The following INPP4B variants were observed in gnomAD, a reference collection of about 807,000 sequenced individuals.
INPP4B encodes inositol polyphosphate-4-phosphatase type II B.
In INPP4B, 55 loss-of-function variants were observed where a neutral mutation model predicts 122.5. The observed-to-expected ratio is 0.45, with a 90% CI of 0.36 to 0.56. The LOEUF (loss-of-function observed/expected upper bound fraction) is 0.56. INPP4B is among the 20% of genes least tolerant of loss of function. INPP4B has a pLI of 0.00. For missense variants in INPP4B, 1,000 were observed against 1,097.7 expected (o/e 0.91, Z 1.26); for synonymous variants, 403 against 388.7 (o/e 1.04, Z -0.43).
At chr4:142,047,392 G>A (rs1187981084) in intron 25 of INPP4B, among the ~76,000 whole-genome samples, 1 of 151,994 alleles carries the variant, frequency 6.6e-6, no homozygotes, top group Non-Finnish European at 1.5e-5. Context: ...CTTGGAAAAA[G>A]GGTATTTTTT....
intron 22 of INPP4B, among the ~76,000 whole-genome samples, chr4:142,108,748 T>C (rs913908739): frequency 2.0e-5 from 3 of 152,176 alleles, no homozygotes; most frequent in African/African-American, 7.2e-5. Context: ...AATGGTTCTG[T>C]ACACGTAGTC....
chr4:142,254,264 C>G (rs190660315), intron 11 of INPP4B, among the ~76,000 whole-genome samples: 13 of 151,104 alleles, frequency 8.6e-5, no homozygotes, highest in African/African-American at 3.2e-4. Context: ...AAAAGCAGAG[C>G]AGAAAAACTG....
chr4:142,289,875 A>G (rs1755587267), intron 9 of INPP4B, among the ~76,000 whole-genome samples: 1 of 152,134 alleles, frequency 6.6e-6, no homozygotes, highest in African/African-American at 2.4e-5. Flanking sequence ...GAAATCTCAC[A>G]TTATTCATGC....
In INPP4B at chr4:142,592,898, C is replaced by T. The variant is rs191091308; in HGVS notation, c.-190-130172G>A. Among the ~76,000 whole-genome samples, 165 of 152,008 alleles carry T rather than the reference C, an allele frequency of 1.1e-3. 1 individual carries two copies. The highest frequency in any genetic ancestry group is 3.4e-3 in the Admixed American group (52 of 15,260). On this transcript the variant is annotated intron_variant, in intron 2 of 25. Transcript: ENST00000262992. ...GGAGGATCGCTTGAGGTCAGGAGTT[C>T]AAGACCAGCCTGGGCAACATAGTGA...
chr4:142,177,149 G>C (rs879236839), intron 15 of INPP4B, among the ~76,000 whole-genome samples: 1 of 152,064 alleles, frequency 6.6e-6, no homozygotes, highest in Non-Finnish European at 1.5e-5. Flanking sequence ...CGGTTGTTCT[G>C]ATGAAGTCTT....
At chr4:142,418,550 C>T (rs1261386514) in intron 5 of INPP4B, among the ~76,000 whole-genome samples, 3 of 151,824 alleles carry the variant, frequency 2.0e-5, no homozygotes, top group Non-Finnish European at 4.4e-5. Context: ...GTGTTAGGGA[C>T]TGGTAGATCA....
intron 7 of INPP4B, among the ~76,000 whole-genome samples, chr4:142,356,007 A>G (rs1450024103): frequency 6.6e-6 from 1 of 151,658 alleles, no homozygotes; most frequent in Non-Finnish European, 1.5e-5. Flanking sequence ...TGGGGCTACA[A>G]AAAATTAGAA....
At chr4:142,030,029 A>G in intron 25 of INPP4B, 1 of 1,379,834 alleles carries the variant, frequency 7.2e-7, no homozygotes, top group South Asian at 1.9e-5. Context: ...CATTTTTTAA[A>G]TTCTGTGAAT....
chr4:142,176,124 A>ATTATTATTG (rs1828088259), intron 15 of INPP4B, among the ~76,000 whole-genome samples: 1 of 144,484 alleles, frequency 6.9e-6, no homozygotes, highest in Admixed American at 7.0e-5. Flanking sequence ...TTCTTTTATT[A>ATTATTATTG]TTATTATTAT....
chr4:142,431,174 A>C lies in INPP4B; in HGVS notation c.86T>G (p.Phe29Cys). ...AQANDPGDCQ[F>C]TSIQKTPNEP... ...AGGGATACACACATACTTACTTGTG[A>C]ACTGACAGTCCCCGGGATCATTGGC... is the stretch of plus-strand genomic sequence containing the variant. The change falls in exon 4 of 26, where the codon TTC (phenylalanine) becomes TGC (cysteine). Residue 29 changes from phenylalanine to cysteine, a missense_variant. Transcript: ENST00000262992. 1 of 1,612,480 alleles carries C rather than the reference A, an allele frequency of 6.2e-7. No homozygotes were observed. The highest frequency in any genetic ancestry group is 1.1e-5 in the South Asian group (1 of 91,014).
At chr4:142,670,450 G>T (rs950245872) in intron 2 of INPP4B, among the ~76,000 whole-genome samples, 4 of 152,128 alleles carry the variant, frequency 2.6e-5, no homozygotes, top group African/African-American at 9.7e-5. Context: ...TATACACAAT[G>T]ATATACTAGT....
intron 16 of INPP4B, among the ~76,000 whole-genome samples, chr4:142,165,448 TC>T (rs1822273378): frequency 6.6e-6 from 1 of 151,746 alleles, no homozygotes; most frequent in Admixed American, 6.6e-5. Flanking sequence ...AACTTGTCTT[TC>T]CTTTACAATG....
intron 2 of INPP4B, among the ~76,000 whole-genome samples, chr4:142,606,759 A>G (rs980839949): frequency 1.3e-5 from 2 of 151,980 alleles, no homozygotes; most frequent in Admixed American, 1.3e-4. Context: ...GAAAAATACT[A>G]AAATCAATTT....
intron 22 of INPP4B, among the ~76,000 whole-genome samples, chr4:142,110,764 G>C (rs571922049): frequency 2.0e-5 from 3 of 152,066 alleles, no homozygotes; most frequent in Non-Finnish European, 4.4e-5. Flanking sequence ...GGAAGGAAAG[G>C]ACACTTCTTA....
At position 142,725,859 on chromosome 4, in the gene INPP4B, AAGAC is replaced by A. The variant is rs1765283585; in HGVS notation, c.-215_-212del. On this transcript the variant is annotated 5_prime_UTR_variant, in exon 2 of 26. It introduces an in-frame stop codon into an upstream open reading frame of the 5' UTR. Transcript: ENST00000262992. ...ATTACCTTTGTCTAATTTTTCATAA[AAGAC>A]AGAAGACCTCTTGCCAGGTAACACC... is the stretch of plus-strand genomic sequence containing the variant. 1 of 398,092 alleles carries A rather than the reference AAGAC, an allele frequency of 2.5e-6. No individual in the cohort carries two copies. The highest frequency in any genetic ancestry group is 4.4e-5 in the Admixed American group (1 of 22,726). The allele number at this position is 398,092 out of a possible 1,614,324, so 24.7% of individuals were successfully genotyped here.
At chr4:142,214,336 A>T (rs1846134712) in intron 12 of INPP4B, among the ~76,000 whole-genome samples, 1 of 152,124 alleles carries the variant, frequency 6.6e-6, no homozygotes, top group South Asian at 2.1e-4. Flanking sequence ...CACCACAGAC[A>T]CTTTCAGCCC....
chr4:142,463,111 A>G, intron 2 of INPP4B, among the ~76,000 whole-genome samples: 1 of 152,176 alleles, frequency 6.6e-6, no homozygotes, highest in Middle Eastern at 3.4e-3. Flanking sequence ...AAGAAAGGTG[A>G]CTCTTCAAGT....
At chr4:142,683,600 C>CATA (rs1172389266) in intron 2 of INPP4B, among the ~76,000 whole-genome samples, 1 of 150,638 alleles carries the variant, frequency 6.6e-6, no homozygotes, top group African/African-American at 2.4e-5. Context: ...ATGTATCTTG[C>CATA]ATAGGTTTCT....
At chr4:142,106,011 T>G (rs1419998264) in intron 23 of INPP4B, among the ~76,000 whole-genome samples, 1 of 152,174 alleles carries the variant, frequency 6.6e-6, no homozygotes, top group Non-Finnish European at 1.5e-5. Context: ...CCATATGTCA[T>G]CATAATTGTA....
Sources: allele counts gnomAD v4.1 joint callset (sites outside exome capture counted in the v4.1 genomes callset), GRCh38; gene constraint gnomAD v4.1.1; transcripts MANE v1.5; gene names NCBI Gene and HGNC (gene_info 2026-07-23, HGNC 2026-07-21).